The following LRRC4C variants were observed in gnomAD, a reference collection of about 807,000 sequenced individuals.
LRRC4C encodes the protein leucine-rich repeat-containing protein 4C.
Under a neutral mutation model 33.6 loss-of-function variants are expected in LRRC4C, and 5 were observed. That is an observed-to-expected ratio of 0.15 (90% CI 0.08 to 0.31). The LOEUF is 0.31. Ranked by LOEUF, LRRC4C falls within the 10% of genes least tolerant of loss-of-function variation. The pLI is 1.00. For synonymous variants in LRRC4C, 329 were observed against 302.0 expected, an observed-to-expected ratio of 1.09 and a Z score of -0.93; for missense variants, 560 against 796.7, an observed-to-expected ratio of 0.70 and a Z score of 3.58.
intron 5 of LRRC4C, among the ~76,000 whole-genome samples, chr11:40,232,825 T>G (rs1865298450): frequency 6.6e-6 from 1 of 152,358 alleles, no homozygotes; most frequent in South Asian, 2.1e-4. Flanking sequence ...TTTCATCACA[T>G]CTTGCCTGGA....
chr11:40,886,901 GTA>G (rs1328614587), intron 2 of LRRC4C, among the ~76,000 whole-genome samples: 7 of 148,904 alleles, frequency 4.7e-5, no homozygotes, highest in East Asian at 3.9e-4. Context: ...GTGTGTGTGT[GTA>G]TATACACACA....
At chr11:40,666,214 C>CA (rs1943802535) in intron 2 of LRRC4C, among the ~76,000 whole-genome samples, 3 of 152,012 alleles carry the variant, frequency 2.0e-5, no homozygotes, top group African/African-American at 7.2e-5. Context: ...ATGTTGAACA[C>CA]AAAAAGCAAG....
intron 2 of LRRC4C, among the ~76,000 whole-genome samples, chr11:40,787,221 G>A (rs574706560): frequency 3.7e-4 from 56 of 151,718 alleles, no homozygotes; most frequent in Non-Finnish European, 6.3e-4. Context: ...TCCCTAGGTG[G>A]TAAAATTGTC....
chr11:40,180,821 G>A (rs1590635005), intron 5 of LRRC4C, among the ~76,000 whole-genome samples: 1 of 152,146 alleles, frequency 6.6e-6, no homozygotes, highest in Non-Finnish European at 1.5e-5. Context: ...GTACACCTTT[G>A]GAGAAAATGA....
At chr11:41,227,101 CAA>C (rs1947576251) in intron 1 of LRRC4C, among the ~76,000 whole-genome samples, 1 of 151,954 alleles carries the variant, frequency 6.6e-6, no homozygotes, top group South Asian at 2.1e-4. Flanking sequence ...GCATGTGAAA[CAA>C]AAGACACCTC....
rs79272592 is a variant in LRRC4C, at chr11:40,827,722, G to A, written c.-407+105913C>T. On this transcript the variant is annotated intron_variant, in intron 2 of 6. Coordinates refer to ENST00000528697, the MANE Select transcript of LRRC4C (RefSeq NM_001258419.2). The stretch of plus-strand genomic sequence containing the variant: ...TGAATAATGAAATGAGTATGTTTGC[G>A]TGTGTGCATGTATGGGTGCATGTGT... 2.4e-3 allele frequency among the ~76,000 whole-genome samples: 363 copies of A among 151,622 alleles called. 6 individuals are homozygous for A. The East Asian group carries it at 0.048, about 20-fold the overall frequency.
intron 3 of LRRC4C, among the ~76,000 whole-genome samples, chr11:40,546,098 C>T (rs911227967): frequency 2.7e-5 from 4 of 148,026 alleles, no homozygotes; most frequent in African/African-American, 7.5e-5. Flanking sequence ...TCCTTCCTTC[C>T]TTCCTTCCTT....
chr11:41,245,852 T>C (rs1473076079), intron 1 of LRRC4C, among the ~76,000 whole-genome samples: 1 of 152,080 alleles, frequency 6.6e-6, no homozygotes, highest in African/African-American at 2.4e-5. Context: ...AGGAGACCCA[T>C]AGTGGGCAGC....
At chr11:40,154,311 C>CAAAACAAA (rs1858495192) in intron 5 of LRRC4C, among the ~76,000 whole-genome samples, 1 of 137,654 alleles carries the variant, frequency 7.3e-6, no homozygotes, top group African/African-American at 2.7e-5. Flanking sequence ...AAACAAAAAG[C>CAAAACAAA]AAAGTACACA....
At chr11:41,332,966 A>T (rs1951341764) in intron 1 of LRRC4C, among the ~76,000 whole-genome samples, 1 of 152,204 alleles carries the variant, frequency 6.6e-6, no homozygotes, top group Admixed American at 6.5e-5. Flanking sequence ...CAACAAAGCA[A>T]CAGCTTCTCT....
chr11:40,170,603 T>C (rs1171031040), intron 5 of LRRC4C, among the ~76,000 whole-genome samples: 1 of 152,064 alleles, frequency 6.6e-6, no homozygotes, highest in Non-Finnish European at 1.5e-5. Context: ...ATCTCTAGGG[T>C]ACAACAAAAA....
chr11:40,223,756 T>C (rs745888014), intron 5 of LRRC4C, among the ~76,000 whole-genome samples: 33 of 152,192 alleles, frequency 2.2e-4, no homozygotes, highest in Non-Finnish European at 3.7e-4. Context: ...AACCACAATT[T>C]TATTTGCAGC....
chr11:40,998,973 A>C (rs1379560864), intron 1 of LRRC4C, among the ~76,000 whole-genome samples: 1 of 152,134 alleles, frequency 6.6e-6, no homozygotes, highest in Non-Finnish European at 1.5e-5. Context: ...CCAACATGAC[A>C]TGAAGAATAA....
chr11:40,929,604 TTTTTA>T (rs1245592858), intron 2 of LRRC4C, among the ~76,000 whole-genome samples: 39 of 152,154 alleles, frequency 2.6e-4, no homozygotes, highest in African/African-American at 9.2e-4. Context: ...ATTCAATTCT[TTTTTA>T]TTTTATTTTA....
chr11:41,428,971 A>C (rs770185851), intron 1 of LRRC4C, among the ~76,000 whole-genome samples: 3 of 152,094 alleles, frequency 2.0e-5, no homozygotes, highest in Admixed American at 6.6e-5. Flanking sequence ...CTTAGAGAAA[A>C]AGGACTGAAT....
chr11:40,695,920 C>T (rs954391454), intron 2 of LRRC4C, among the ~76,000 whole-genome samples: 5 of 151,692 alleles, frequency 3.3e-5, no homozygotes, highest in Admixed American at 6.6e-5. Context: ...AATATATTCA[C>T]AGGTTTCAGA....
At chr11:41,170,396 C>T (rs1470949635) in intron 1 of LRRC4C, among the ~76,000 whole-genome samples, 1 of 152,040 alleles carries the variant, frequency 6.6e-6, no homozygotes, top group Non-Finnish European at 1.5e-5. Context: ...GGTACTGGTA[C>T]CAAAACAGAG....
At chr11:41,421,062 C>T (rs1392101649) in intron 1 of LRRC4C, among the ~76,000 whole-genome samples, 1 of 151,944 alleles carries the variant, frequency 6.6e-6, no homozygotes, top group African/African-American at 2.4e-5. Flanking sequence ...TTCTTTACCT[C>T]TCTGTGCCTC....
At chr11:41,297,054 T>C (rs527800894) in intron 1 of LRRC4C, among the ~76,000 whole-genome samples, 1 of 152,326 alleles carries the variant, frequency 6.6e-6, no homozygotes, top group African/African-American at 2.4e-5. Flanking sequence ...GAGAAACTTT[T>C]CTTCTATATC....
Sources: allele counts gnomAD v4.1 joint callset (sites outside exome capture counted in the v4.1 genomes callset), GRCh38; gene constraint gnomAD v4.1.1; transcripts MANE v1.5; gene names NCBI Gene and HGNC (gene_info 2026-07-23, HGNC 2026-07-21).